The following CCBE1 variants were observed in gnomAD, a reference collection of about 807,000 sequenced individuals.
The protein encoded by CCBE1 is collagen and calcium binding EGF domains 1, also known as collagen and calcium-binding EGF domain-containing protein 1.
In CCBE1, 37 loss-of-function variants were observed where a neutral mutation model predicts 50.0. The observed-to-expected ratio is 0.74, with a 90% confidence interval of 0.57 to 0.97. The LOEUF is 0.97. Among genes scored for constraint, CCBE1 ranks in the 50% least tolerant of loss-of-function variants. CCBE1 has a pLI of 0.00. For missense variants in CCBE1, 538 were observed against 523.8 expected (o/e 1.03, Z -0.26); for synonymous variants, 234 against 203.7 (o/e 1.15, Z -1.27).
chr18:59,500,996 A>G (rs1913592985), intron 2 of CCBE1, among the ~76,000 whole-genome samples: 2 of 152,248 alleles, frequency 1.3e-5, no homozygotes, highest in Admixed American at 1.3e-4. Context: ...CCCAGTTTAC[A>G]GGTGGACAAA....
chr18:59,634,967 G>A (rs1016653344), intron 2 of CCBE1, among the ~76,000 whole-genome samples: 1 of 152,124 alleles, frequency 6.6e-6, no homozygotes, highest in Non-Finnish European at 1.5e-5. Flanking sequence ...CCAAGAGAAA[G>A]AAGAAACAGA....
chr18:59,696,826 G>A (rs1599147472), intron 1 of CCBE1, 117 bp from the exon 2 acceptor site: 4 of 1,123,646 alleles, frequency 3.6e-6, no homozygotes, highest in Non-Finnish European at 5.3e-6. Context: ...CGGCGCTCTG[G>A]GCAGGGGCTG....
At chr18:59,522,756 G>T (rs967649543) in intron 2 of CCBE1, among the ~76,000 whole-genome samples, 1 of 152,082 alleles carries the variant, frequency 6.6e-6, no homozygotes, top group South Asian at 2.1e-4. Flanking sequence ...TTGGGAGGCC[G>T]AGGCGGGCGT....
At chr18:59,543,407 G>C (rs1385297241) in intron 2 of CCBE1, among the ~76,000 whole-genome samples, 2 of 152,132 alleles carry the variant, frequency 1.3e-5, no homozygotes, top group African/African-American at 2.4e-5. Context: ...TTTTCTATAT[G>C]GCTAATATTT....
intron 2 of CCBE1, among the ~76,000 whole-genome samples, chr18:59,683,584 G>A (rs966860870): frequency 2.6e-5 from 4 of 152,132 alleles, no homozygotes; most frequent in African/African-American, 9.7e-5. Flanking sequence ...TGTAATCCCA[G>A]CTACTCAGGA....
At chr18:59,679,465 C>CTG (rs573239711) in intron 2 of CCBE1, among the ~76,000 whole-genome samples, 68 of 152,238 alleles carry the variant, frequency 4.5e-4, no homozygotes, top group Non-Finnish European at 7.9e-4. Flanking sequence ...AGAGACATGT[C>CTG]TGGAATTTGC....
chr18:59,695,142 G>T (rs940652710), intron 2 of CCBE1, among the ~76,000 whole-genome samples: 1 of 152,170 alleles, frequency 6.6e-6, no homozygotes, highest in African/African-American at 2.4e-5. Context: ...TGTGAAGTCC[G>T]ACCTTCAGGG....
chr18:59,525,573 T>G (rs2144337943), intron 2 of CCBE1, among the ~76,000 whole-genome samples: 1 of 152,398 alleles, frequency 6.6e-6, no homozygotes, highest in Non-Finnish European at 1.5e-5. Flanking sequence ...ATAGTTTTGC[T>G]GTGCAGAAAC....
intron 2 of CCBE1, among the ~76,000 whole-genome samples, chr18:59,520,537 G>A (rs926873751): frequency 6.6e-6 from 1 of 152,212 alleles, no homozygotes; most frequent in Non-Finnish European, 1.5e-5. Flanking sequence ...TTCTTGCATG[G>A]TGAACTTTTC....
intron 2 of CCBE1, among the ~76,000 whole-genome samples, chr18:59,650,308 C>T (rs1158833805): frequency 1.3e-5 from 2 of 150,910 alleles, no homozygotes; most frequent in Non-Finnish European, 2.9e-5. Flanking sequence ...AAGCCCAGCA[C>T]ACCCAAAAAG....
At chr18:59,453,378 GTATT>G (rs1199499971) in intron 6 of CCBE1, among the ~76,000 whole-genome samples, 11 of 152,174 alleles carry the variant, frequency 7.2e-5, no homozygotes, top group African/African-American at 2.7e-4. Context: ...TGTGTTGGAT[GTATT>G]TATTTATGTC....
At chr18:59,443,347 C>T (rs1202207303) in intron 7 of CCBE1, among the ~76,000 whole-genome samples, 3 of 152,144 alleles carry the variant, frequency 2.0e-5, no homozygotes, top group Non-Finnish European at 2.9e-5. Context: ...TGGGTACAGA[C>T]ATCAGCATGT....
At chr18:59,508,326 G>A (rs993712858) in intron 2 of CCBE1, among the ~76,000 whole-genome samples, 1 of 151,978 alleles carries the variant, frequency 6.6e-6, no homozygotes, top group Non-Finnish European at 1.5e-5. Context: ...CACTGGGTGT[G>A]GTGGCTCACG....
At chr18:59,674,971 T>C (rs977469472) in intron 2 of CCBE1, among the ~76,000 whole-genome samples, 1 of 152,216 alleles carries the variant, frequency 6.6e-6, no homozygotes, top group African/African-American at 2.4e-5. Flanking sequence ...TGCTCAAAAG[T>C]CTTTTCTTCT....
chr18:59,677,126 G>C (rs1474100969), intron 2 of CCBE1, among the ~76,000 whole-genome samples: 2 of 152,144 alleles, frequency 1.3e-5, no homozygotes, highest in Non-Finnish European at 2.9e-5. Context: ...GGAATAGATT[G>C]CAAGAAGTTA....
At chr18:59,491,832 AAAC>A (rs1913113456) in intron 2 of CCBE1, among the ~76,000 whole-genome samples, 1 of 139,966 alleles carries the variant, frequency 7.1e-6, no homozygotes, top group Non-Finnish European at 1.6e-5. Context: ...ACAAACAAAC[AAAC>A]AAAAAAAAAC....
chr18:59,614,178 G>T (rs1286233075), intron 2 of CCBE1, among the ~76,000 whole-genome samples: 1 of 152,064 alleles, frequency 6.6e-6, no homozygotes. Flanking sequence ...GCTAATTTTT[G>T]TATTTTGGTA....
chr18:59,634,160 T>C (rs989510740), intron 2 of CCBE1, among the ~76,000 whole-genome samples: 13 of 152,076 alleles, frequency 8.5e-5, no homozygotes, highest in Middle Eastern at 3.2e-3. Context: ...TTTTGCAAAA[T>C]GGAAATGAGG....
chr18:59,667,554 G>C (rs1281219785), intron 2 of CCBE1, among the ~76,000 whole-genome samples: 1 of 152,174 alleles, frequency 6.6e-6, no homozygotes, highest in Non-Finnish European at 1.5e-5. Context: ...CTAAAGTCAT[G>C]AGGGACACTG....
Sources: gnomAD v4.1 joint callset for allele counts (sites outside exome capture counted in the v4.1 genomes callset) on GRCh38, gnomAD v4.1.1 for gene constraint, MANE v1.5 for transcripts, NCBI Gene and HGNC (gene_info 2026-07-23, HGNC 2026-07-21) for gene names.